Variants in ATAD5 observed in about 807,000 individuals in gnomAD.
ATAD5 encodes the protein ATPase family AAA domain containing 5.
Under a neutral mutation model 176.9 loss-of-function variants are expected in ATAD5, and 58 were observed. That is an observed-to-expected ratio of 0.33 (90% CI 0.27 to 0.41). The LOEUF (loss-of-function observed/expected upper bound fraction) is 0.41. ATAD5 is among the 10% of genes least tolerant of loss of function. The pLI, the probability that ATAD5 is intolerant of heterozygous loss-of-function variation, is 1.00. For missense variants in ATAD5, 1,789 were observed against 2,094.1 expected (o/e 0.85, Z 2.84); for synonymous variants, 640 against 712.6 (o/e 0.90, Z 1.62).
rs747555125 is a variant in ATAD5 at position 30,857,071 on chromosome 17, A to G, written c.2752A>G (p.Thr918Ala). 19 of 1,611,404 alleles carry G rather than the reference A, an allele frequency of 1.2e-5. No homozygotes were observed. The highest frequency in any genetic ancestry group is 1.6e-5 in the Non-Finnish European group (19 of 1,179,520). Residue 918 changes from threonine (T) to alanine (A), a missense_variant, in exon 8 of 23, where the codon ACA (threonine) becomes GCA (alanine). By Grantham distance (58) the Thr-to-Ala change is moderately conservative (BLOSUM62 0). Around this residue, in one of 6 missense-constraint regions of ATAD5, gnomAD observed 487 missense variants for 573.6 expected, o/e 0.85. Transcript: ENST00000321990. The part of the protein sequence containing the change: ...KCGIALGEFS[T>A]LNSKLKSGNS... ...TGGTATTGCTCTTGGTGAATTTTCA[A>G]CATTGAATTCAAAGTTGAAAAGCGG... is the stretch of plus-strand genomic sequence containing the variant.
Position 30,893,434 on chromosome 17 carries a change from C to G in ATAD5, c.4581C>G (p.Asn1527Lys). 6.2e-7 allele frequency: 1 copy of G among 1,613,772 alleles called. No individual in the cohort carries two copies. ...TTGATACCATTCCAGAAACTAAAAA[C>G]TTTTGTGGCCCATCAGTAACTGTGG... ...LPVDTIPETK[N>K]FCGPSVTVDA... Residue 1527 changes from asparagine to lysine, a missense_variant, in exon 21 of 23, where the codon AAC (asparagine) becomes AAG (lysine). This residue lies in a region of ATAD5 where 403 missense variants were observed against 495.1 expected (regional missense o/e 0.81). Transcript: ENST00000321990.
chr17:30,865,234 G>A (rs576922634), intron 10 of ATAD5, among the ~76,000 whole-genome samples: 11 of 150,104 alleles, frequency 7.3e-5, no homozygotes, highest in African/African-American at 4.9e-5. Flanking sequence ...GTGCAGTGGC[G>A]CGATCTCCGC....
chr17:30,837,391 A>ATAGTAATG, intron 3 of ATAD5, 77 bp downstream of exon 3: 1 of 910,326 alleles, frequency 1.1e-6, no homozygotes, highest in Non-Finnish European at 1.7e-6. Flanking sequence ...CCACATTACT[A>ATAGTAATG]TGGGAAGTAA....
At chr17:30,833,208 G>A (rs1348086551) in intron 1 of ATAD5, among the ~76,000 whole-genome samples, 1 of 121,856 alleles carries the variant, frequency 8.2e-6, no homozygotes, top group Admixed American at 9.1e-5. Flanking sequence ...CTACTTAGTT[G>A]TTATGCTGAT....
rs1735354026 is a variant in ATAD5, at chr17:30,853,287, A to T, written c.2451-1856A>T. Among the ~76,000 whole-genome samples the T allele has an allele frequency of 2.0e-5, 3 of 152,008 alleles. No homozygotes were observed. In the East Asian group the frequency reaches 5.8e-4, roughly 29 times the overall value. ...CACACAAACATTTAAAACTATTTAT[A>T]TGTGTGTAATATATGTATATGCATG... On this transcript the variant is annotated intron_variant, in intron 6 of 22. Coordinates refer to ENST00000321990, the MANE Select transcript of ATAD5 (RefSeq NM_024857.5).
chr17:30,847,972 G>A (rs1185771808), intron 6 of ATAD5, among the ~76,000 whole-genome samples: 1 of 151,808 alleles, frequency 6.6e-6, no homozygotes, highest in African/African-American at 2.4e-5. Flanking sequence ...CACCCACCTC[G>A]GCCTCCCAAA....
At chr17:30,845,196 T>C (rs1283985194) in intron 6 of ATAD5, among the ~76,000 whole-genome samples, 1 of 152,184 alleles carries the variant, frequency 6.6e-6, no homozygotes, top group African/African-American at 2.4e-5. Context: ...TACCTACTAG[T>C]ATGTACCAGG....
Position 30,865,782 on chromosome 17 carries a change from C to A in ATAD5, c.3215C>A (p.Ala1072Asp). Reference sequence around the variant, plus strand: ...AGTGAACTTATAGGAAATGAGTTAGCTATAAAAAAGTTACATAGGTTGGTA... The same window carrying A: ...AGTGAACTTATAGGAAATGAGTTAGATATAAAAAAGTTACATAGGTTGGTA... ...TASELIGNELAIKKLHSWLKD... is the reference protein window; with the variant it reads ...TASELIGNELDIKKLHSWLKD... The change falls in exon 11 of 23, where the codon GCT becomes GAT. Residue 1072 changes from alanine to aspartate, a missense_variant. By Grantham distance (126) the Ala-to-Asp change is moderately radical. Coordinates refer to ENST00000321990, the MANE Select transcript of ATAD5 (RefSeq NM_024857.5). 2 of 1,578,456 alleles carry A rather than the reference C, an allele frequency of 1.3e-6. No homozygotes were observed. The highest frequency in any genetic ancestry group is 1.7e-6 in the Non-Finnish European group (2 of 1,165,696).
chr17:30,865,640 C>G (rs957884031), intron 10 of ATAD5, 64 bp from the exon 11 acceptor site: 4 of 955,396 alleles, frequency 4.2e-6, no homozygotes, highest in Non-Finnish European at 6.1e-6. Context: ...ATGTAAATGA[C>G]TAATAATTCA....
chr17:30,843,628 C>T (rs1203501941), intron 4 of ATAD5, among the ~76,000 whole-genome samples: 6 of 146,336 alleles, frequency 4.1e-5, no homozygotes, highest in African/African-American at 1.3e-4. Flanking sequence ...CCAGCCTGGG[C>T]GACAGAGAGA....
intron 18 of ATAD5, 65 bp downstream of exon 18, chr17:30,879,552 A>G: frequency 6.9e-7 from 1 of 1,440,338 alleles, no homozygotes; most frequent in Non-Finnish European, 9.5e-7. Flanking sequence ...GTTTATTATT[A>G]AATACAGCTA....
intron 16 of ATAD5, 63 bp from the exon 17 acceptor site, chr17:30,877,940 A>G (rs1187744377): frequency 3.6e-6 from 4 of 1,125,114 alleles, no homozygotes; most frequent in East Asian, 5.2e-5. Context: ...TAGAATATTT[A>G]CTATGTATAC....
chr17:30,879,086 T>C (rs1204417577), intron 17 of ATAD5, among the ~76,000 whole-genome samples: 1 of 152,114 alleles, frequency 6.6e-6, no homozygotes, highest in Non-Finnish European at 1.5e-5. Flanking sequence ...ATGCCTTTAA[T>C]TCCAGCACTT....
At chr17:30,867,471 G>A (rs1189542221) in intron 11 of ATAD5, among the ~76,000 whole-genome samples, 4 of 152,176 alleles carry the variant, frequency 2.6e-5, no homozygotes, top group Non-Finnish European at 5.9e-5. Flanking sequence ...GAGAGGCTGA[G>A]TTATTTGTCC....
chr17:30,867,601 A>G (rs1267470792), intron 11 of ATAD5, among the ~76,000 whole-genome samples: 2 of 152,114 alleles, frequency 1.3e-5, no homozygotes, highest in Non-Finnish European at 2.9e-5. Context: ...GGAATTACAC[A>G]ACATACCGCA....
chr17:30,857,891 G>A (rs887342139), intron 8 of ATAD5, among the ~76,000 whole-genome samples: 1 of 151,750 alleles, frequency 6.6e-6, no homozygotes, highest in South Asian at 2.1e-4. Flanking sequence ...ACAGGCACAC[G>A]CCACCATGCC....
intron 14 of ATAD5, among the ~76,000 whole-genome samples, chr17:30,875,954 G>A (rs1250177755): frequency 1.3e-5 from 2 of 151,390 alleles, no homozygotes; most frequent in Non-Finnish European, 2.9e-5. Flanking sequence ...TGGCTAACAC[G>A]GTGAAACCCC....
rs557331246 is a variant in ATAD5, at chr17:30,847,759, G to A, written c.2450+2843G>A. Among the ~76,000 whole-genome samples the A allele has an allele frequency of 4.7e-5, 6 of 128,540 alleles. No homozygotes were observed. In the East Asian group the frequency reaches 9.0e-4, roughly 19 times the overall value. 84.3% of individuals were successfully genotyped at this position (128,540 alleles called of 152,430 possible). A position where few individuals can be genotyped will look rare whatever the true frequency, so the allele number is the denominator to read the frequency against. The stretch of plus-strand genomic sequence containing the variant: ...TTTTGAGACAGAGTCTCACTCTGTC[G>A]CCCAGGCTGGAGTGCAGTGGCACAG... On this transcript the variant is annotated intron_variant, in intron 6 of 22. Transcript: ENST00000321990.
chr17:30,845,765 G>T (rs939914398), intron 6 of ATAD5, among the ~76,000 whole-genome samples: 1 of 152,190 alleles, frequency 6.6e-6, no homozygotes, highest in Non-Finnish European at 1.5e-5. Context: ...GTAGATGTAG[G>T]AGTCCAGGTA....
Sources: allele counts gnomAD v4.1 joint callset (sites outside exome capture counted in the v4.1 genomes callset), GRCh38; gene constraint gnomAD v4.1.1; regional missense constraint gnomAD v4.1.1; transcripts MANE v1.5; gene names NCBI Gene and HGNC (gene_info 2026-07-23, HGNC 2026-07-21).